The following TENM3 variants were observed in gnomAD, a reference collection of about 807,000 sequenced individuals.
The protein encoded by TENM3 is teneurin transmembrane protein 3, also known as teneurin-3.
TENM3 carries 63 observed loss-of-function variants against 255.1 expected under a neutral mutation model. The observed-to-expected ratio is 0.25, with a 90% confidence interval of 0.20 to 0.30. The LOEUF is 0.30. Among genes scored for constraint, TENM3 ranks in the 10% least tolerant of loss-of-function variants. The probability of loss-of-function intolerance (pLI) is 1.00; values close to 1 mark genes in which losing one functional copy is unlikely to be tolerated. For synonymous variants in TENM3, 1,306 were observed against 1,322.3 expected (o/e 0.99, Z 0.27); for missense variants, 2,929 against 3,461.1 (o/e 0.85, Z 3.86).
intron 12 of TENM3, among the ~76,000 whole-genome samples, chr4:182,700,896 G>T (rs1265805478): frequency 1.3e-5 from 2 of 152,022 alleles, no homozygotes; most frequent in African/African-American, 4.8e-5. Flanking sequence ...ATGCCTAGTT[G>T]TTCTGATTTG....
intron 3 of TENM3, among the ~76,000 whole-genome samples, chr4:182,553,751 A>G (rs1420000982): frequency 6.6e-6 from 1 of 152,202 alleles, no homozygotes; most frequent in Non-Finnish European, 1.5e-5. Flanking sequence ...CAACAGCTTG[A>G]TAACTCGGGT....
At chr4:181,855,385 A>G in the TENM3 span, among the ~76,000 whole-genome samples, 1 of 152,232 alleles carries the variant, frequency 6.6e-6, no homozygotes, top group African/African-American at 2.4e-5. Flanking sequence ...CTCTAAACTT[A>G]TATAACAATT....
chr4:182,294,319 A>T (rs1349411358), intron 1 of TENM3, among the ~76,000 whole-genome samples: 2 of 152,122 alleles, frequency 1.3e-5, no homozygotes, highest in African/African-American at 4.8e-5. Context: ...GAAGATCTAG[A>T]TCCCAGGTGG....
At chr4:182,178,060 G>A (rs929560879) in intron 1 of TENM3, among the ~76,000 whole-genome samples, 25 of 146,912 alleles carry the variant, frequency 1.7e-4, no homozygotes, top group African/African-American at 5.8e-4. Context: ...TAGATTATCA[G>A]CAACCCCCTA....
At chr4:182,312,459 G>A (rs984179488) in intron 1 of TENM3, among the ~76,000 whole-genome samples, 2 of 152,204 alleles carry the variant, frequency 1.3e-5, no homozygotes, top group Non-Finnish European at 2.9e-5. Context: ...ATGTTCAGCC[G>A]AAGATGGAAT....
At chr4:182,507,916 A>G (rs921901323) in intron 3 of TENM3, among the ~76,000 whole-genome samples, 5 of 152,168 alleles carry the variant, frequency 3.3e-5, no homozygotes, top group African/African-American at 1.2e-4. Flanking sequence ...ATATATTAGT[A>G]TCTTAAATTC....
chr4:181,727,366 G>C, the TENM3 span, among the ~76,000 whole-genome samples: 1 of 152,142 alleles, frequency 6.6e-6, no homozygotes, highest in African/African-American at 2.4e-5. Flanking sequence ...TTATTGCTTA[G>C]GAACTACTTC....
chr4:182,657,309 A>G (rs1397978350), intron 6 of TENM3, among the ~76,000 whole-genome samples: 1 of 152,070 alleles, frequency 6.6e-6, no homozygotes, highest in Non-Finnish European at 1.5e-5. Flanking sequence ...ACTATTTCAG[A>G]TCTTCCTGCT....
chr4:181,817,615 T>C, the TENM3 span, among the ~76,000 whole-genome samples: 1 of 152,128 alleles, frequency 6.6e-6, no homozygotes, highest in East Asian at 1.9e-4. Context: ...CTTAGGAAAG[T>C]GATCGGGTTA....
chr4:182,423,115 C>T (rs892619355), intron 3 of TENM3, among the ~76,000 whole-genome samples: 2 of 152,140 alleles, frequency 1.3e-5, no homozygotes, highest in African/African-American at 4.8e-5. Context: ...CAAAATTTGT[C>T]AACATCTCTT....
intron 1 of TENM3, among the ~76,000 whole-genome samples, chr4:182,202,946 T>C (rs1056326522): frequency 1.3e-5 from 2 of 151,932 alleles, no homozygotes; most frequent in African/African-American, 4.8e-5. Flanking sequence ...CCGGGTGCGG[T>C]GGCTCAAGCC....
the TENM3 span, among the ~76,000 whole-genome samples, chr4:181,635,046 G>A: frequency 1.3e-5 from 2 of 151,962 alleles, no homozygotes; most frequent in Non-Finnish European, 2.9e-5. Context: ...ACCTATCTCT[G>A]AAAACATGAG....
At chr4:181,673,335 T>C in the TENM3 span, among the ~76,000 whole-genome samples, 1 of 152,206 alleles carries the variant, frequency 6.6e-6, no homozygotes, top group Non-Finnish European at 1.5e-5. Flanking sequence ...TAGCTGTGTT[T>C]CAACCAAACA....
At chr4:182,614,199 T>C (rs1290865417) in intron 4 of TENM3, among the ~76,000 whole-genome samples, 1 of 152,220 alleles carries the variant, frequency 6.6e-6, no homozygotes, top group African/African-American at 2.4e-5. Context: ...TTGGTAATAA[T>C]AGAAGAGGCA....
At chr4:181,910,027 C>A in the TENM3 span, among the ~76,000 whole-genome samples, 1 of 152,098 alleles carries the variant, frequency 6.6e-6, no homozygotes, top group Admixed American at 6.5e-5. Flanking sequence ...ATTCATGTTA[C>A]TCTTGCTACT....
At chr4:182,350,234 A>G (rs1365044498) in intron 3 of TENM3, 1 of 152,558 alleles carries the variant, frequency 6.6e-6, no homozygotes, top group East Asian at 1.9e-4. Flanking sequence ...AGCCTCCCAC[A>G]AGAGTAAGAG....
At chr4:181,486,248 A>G in the TENM3 span, among the ~76,000 whole-genome samples, 482 of 152,276 alleles carry the variant, frequency 3.2e-3, no homozygotes, top group Middle Eastern at 0.027. Context: ...GCTTGCTCTG[A>G]TGAAGGGCAC....
the TENM3 span, among the ~76,000 whole-genome samples, chr4:181,496,975 C>T: frequency 6.6e-6 from 1 of 151,516 alleles, no homozygotes; most frequent in East Asian, 1.9e-4. Flanking sequence ...TTTTAGATTC[C>T]AATTATAAAA....
chr4:181,970,521 C>T, the TENM3 span, among the ~76,000 whole-genome samples: 5 of 152,252 alleles, frequency 3.3e-5, no homozygotes, highest in Non-Finnish European at 7.3e-5. Flanking sequence ...ATCTGCTTAA[C>T]ATCAAGCAGT....
Sources: allele counts gnomAD v4.1 joint callset (sites outside exome capture counted in the v4.1 genomes callset), GRCh38; gene constraint gnomAD v4.1.1; transcripts MANE v1.5; gene names NCBI Gene and HGNC (gene_info 2026-07-23, HGNC 2026-07-21).